RPTOR: variants seen among roughly 807,000 people sequenced by gnomAD.
The protein encoded by RPTOR is regulatory-associated protein of mTOR.
A neutral mutation model predicts 169.9 loss-of-function variants in RPTOR; 21 were observed. The ratio of observed to expected loss-of-function variants is 0.12; its 90% CI spans 0.09 to 0.18. The LOEUF is 0.18. Ranked by LOEUF, RPTOR falls within the 10% of genes least tolerant of loss-of-function variation. RPTOR has a pLI of 1.00. For missense variants in RPTOR, 1,133 were observed against 1,855.9 expected (o/e 0.61, Z 7.16); for synonymous variants, 732 against 753.2 (o/e 0.97, Z 0.46).
chr17:80,678,505 G>A (rs1016098806), intron 3 of RPTOR, among the ~76,000 whole-genome samples: 6 of 152,224 alleles, frequency 3.9e-5, no homozygotes, highest in Non-Finnish European at 8.8e-5. Context: ...CTATTGTTAT[G>A]TAAGACCTAA....
At chr17:80,682,976 T>G (rs1447092901) in intron 3 of RPTOR, among the ~76,000 whole-genome samples, 1 of 152,142 alleles carries the variant, frequency 6.6e-6, no homozygotes, top group Non-Finnish European at 1.5e-5. Flanking sequence ...AATTTATTTA[T>G]TTTTTGTAGA....
Position 80,746,444 on chromosome 17 carries a change from T to A in RPTOR, c.655-7566T>A, listed in dbSNP as rs2066576283. Reference sequence around the variant, plus strand: ...AACTGCGCGTGCACTGACTCCACATTACCCACACGTGGGAACAATGCAGCA... The same window carrying A: ...AACTGCGCGTGCACTGACTCCACATAACCCACACGTGGGAACAATGCAGCA... On this transcript the variant is annotated intron_variant, in intron 5 of 33. Coordinates refer to ENST00000306801, the MANE Select transcript of RPTOR (RefSeq NM_020761.3). This position sits in a 1 kb window ranked among gnomAD's most constrained non-coding sequence, Gnocchi z 4.5. Among the ~76,000 whole-genome samples, 1 of 152,220 alleles carries A rather than the reference T, an allele frequency of 6.6e-6. No individual in the cohort carries two copies. Among genetic ancestry groups the A allele is most frequent in the African/African-American group, 2.4e-5 (1 of 41,460 alleles).
rs1230906084 is a variant in RPTOR, at chr17:80,896,390, GACACCCCACGGCCGCAGCA to G, written c.2401+2535_2401+2553del. Among the ~76,000 whole-genome samples, 131 of 28,086 alleles carry G rather than the reference GACACCCCACGGCCGCAGCA, an allele frequency of 4.7e-3. 1 individual carries two copies. The highest frequency in any genetic ancestry group is 9.3e-3 in the African/African-American group (128 of 13,774). The allele number at this position is 28,086 out of a possible 152,430, so 18.4% of individuals were successfully genotyped here. A position where few individuals can be genotyped will look rare whatever the true frequency, so the allele number is the denominator to read the frequency against. ...CCCCGACACCCCACGCGGCCTCGCTGACACCCCACGGCCGCAGCAACACCCCACACGGCCTCGCCAACAC... is the reference window on the plus strand; with the variant it reads ...CCCCGACACCCCACGCGGCCTCGCTGACACCCCACACGGCCTCGCCAACAC... On this transcript the variant is annotated intron_variant, in intron 20 of 33. Transcript: ENST00000306801.
chr17:80,922,681 C>G (rs762892387), intron 21 of RPTOR, 43 bp from the exon 22 acceptor site: 1 of 1,478,076 alleles, frequency 6.8e-7, no homozygotes, highest in East Asian at 2.5e-5. Context: ...CTCCGCGGAG[C>G]ACGTCCCGTC....
In RPTOR at chr17:80,737,129, C is replaced by A. The variant is rs539603254; in HGVS notation, c.654+6423C>A. Among the ~76,000 whole-genome samples the A allele has an allele frequency of 2.6e-3, 392 of 151,990 alleles. 2 individuals are homozygous for A. Among genetic ancestry groups the A allele is most frequent in the African/African-American group, 8.0e-3 (331 of 41,500 alleles). On this transcript the variant is annotated intron_variant, in intron 5 of 33. Transcript: ENST00000306801. ...TGTTTCCTCCAGCATAATTTTTTTTCCTTTGGTTAATTTAGATTATTCTCT... is the reference window on the plus strand; with the variant it reads ...TGTTTCCTCCAGCATAATTTTTTTTACTTTGGTTAATTTAGATTATTCTCT...
rs1410020119 is a variant in RPTOR at position 80,746,238 on chromosome 17, C to A, written c.655-7772C>A. 1.4e-5 allele frequency among the ~76,000 whole-genome samples: 2 copies of A among 141,616 alleles called. No individual in the cohort carries two copies. Among genetic ancestry groups the A allele is most frequent in the African/African-American group, 5.0e-5 (2 of 40,044 alleles). The allele number at this position is 141,616 out of a possible 152,430, so 92.9% of individuals were successfully genotyped here. On this transcript the variant is annotated intron_variant, in intron 5 of 33. Coordinates refer to ENST00000306801, the MANE Select transcript of RPTOR (RefSeq NM_020761.3). The surrounding 1 kb of genome is among the most constrained non-coding windows in gnomAD (Gnocchi z 4.5). ...GGTGCTTTCTGCGGGTGATCCCCAC[C>A]GCCCCCACAGCGGTGCTTTCTGCGG...
Position 80,875,820 on chromosome 17 carries a change from G to A in RPTOR, c.1510-4595G>A, listed in dbSNP as rs1248267214. 1.0e-4 allele frequency among the ~76,000 whole-genome samples: 14 copies of A among 140,080 alleles called. No individual in the cohort carries two copies. The South Asian group carries it at 2.5e-3, about 25-fold the overall frequency. 91.9% of individuals were successfully genotyped at this position (140,080 alleles called of 152,430 possible). On this transcript the variant is annotated intron_variant, in intron 13 of 33. Coordinates refer to ENST00000306801, the MANE Select transcript of RPTOR (RefSeq NM_020761.3). Reference sequence around the variant, plus strand: ...GTGTCGCCTGCCGGGTCTTCCCACCGAGCCCGTGCCGCCCAGGATGTGTGT... The same window carrying A: ...GTGTCGCCTGCCGGGTCTTCCCACCAAGCCCGTGCCGCCCAGGATGTGTGT...
intron 3 of RPTOR, among the ~76,000 whole-genome samples, chr17:80,693,883 G>T (rs1203442839): frequency 1.3e-5 from 2 of 152,234 alleles, no homozygotes; most frequent in Non-Finnish European, 2.9e-5. Flanking sequence ...AGAGGCTGGG[G>T]AATGTCTGGA....
At chr17:80,641,690 AC>A (rs1201352630) in intron 2 of RPTOR, among the ~76,000 whole-genome samples, 1 of 152,188 alleles carries the variant, frequency 6.6e-6, no homozygotes, top group Non-Finnish European at 1.5e-5. Context: ...GAACATACAC[AC>A]TTTATTTTAA....
chr17:80,733,412 G>A (rs1049411702), intron 5 of RPTOR, among the ~76,000 whole-genome samples: 5 of 152,140 alleles, frequency 3.3e-5, no homozygotes, highest in African/African-American at 7.2e-5. Flanking sequence ...AAATAATACA[G>A]AAGGTTTATG....
rs901847232 is a variant in RPTOR at position 80,845,648 on chromosome 17, T to C, written c.1213-825T>C. 1.4e-4 allele frequency among the ~76,000 whole-genome samples: 22 copies of C among 152,142 alleles called. No homozygotes were observed. Among genetic ancestry groups the C allele is most frequent in the African/African-American group, 4.8e-4 (20 of 41,496 alleles). ...ACCCTCCGTGCCCCCAGCTGGGTCT[T>C]TCTCACCAGCGTCCTGTCCCCATTA... On this transcript the variant is annotated intron_variant, in intron 10 of 33. Transcript: ENST00000306801. The surrounding 1 kb of genome is among the most constrained non-coding windows in gnomAD (Gnocchi z 5.4).
At chr17:80,588,133 T>C (rs2065077073) in intron 1 of RPTOR, among the ~76,000 whole-genome samples, 1 of 152,050 alleles carries the variant, frequency 6.6e-6, no homozygotes. Context: ...TAGTATTCCA[T>C]GGTGCATGTA....
Position 80,845,638 on chromosome 17 carries a change from A to T in RPTOR, c.1213-835A>T, listed in dbSNP as rs1332650727. Reference sequence around the variant, plus strand: ...GCCTTTCCCCACCCTCCGTGCCCCCAGCTGGGTCTTTCTCACCAGCGTCCT... The same window carrying T: ...GCCTTTCCCCACCCTCCGTGCCCCCTGCTGGGTCTTTCTCACCAGCGTCCT... On this transcript the variant is annotated intron_variant, in intron 10 of 33. Coordinates refer to ENST00000306801, the MANE Select transcript of RPTOR (RefSeq NM_020761.3). The surrounding 1 kb of genome is among the most constrained non-coding windows in gnomAD (Gnocchi z 5.4). Among the ~76,000 whole-genome samples, 1 of 146,436 alleles carries T rather than the reference A, an allele frequency of 6.8e-6. No individual in the cohort carries two copies.
chr17:80,805,134 C>A (rs2067205642), intron 7 of RPTOR: 1 of 144,622 alleles, frequency 6.9e-6, no homozygotes, highest in Non-Finnish European at 1.5e-5. Flanking sequence ...TCTGGGATTT[C>A]AGCATCTTTT....
chr17:80,771,164 TCC>T (rs1384371854), intron 6 of RPTOR, among the ~76,000 whole-genome samples: 3 of 152,112 alleles, frequency 2.0e-5, no homozygotes, highest in Non-Finnish European at 2.9e-5. Context: ...TCTCTGAAGC[TCC>T]CACTCTCTGG....
At chr17:80,958,199 C>CT (rs1474307779) in intron 29 of RPTOR, among the ~76,000 whole-genome samples, 1 of 36,116 alleles carries the variant, frequency 2.8e-5, no homozygotes, top group Admixed American at 2.6e-4. Context: ...CCCACCTCAC[C>CT]CCCCCCCCCC....
chr17:80,769,978 G>A (rs2066826139), intron 6 of RPTOR, among the ~76,000 whole-genome samples: 1 of 152,216 alleles, frequency 6.6e-6, no homozygotes, highest in Non-Finnish European at 1.5e-5. Context: ...CCTTGTCTCA[G>A]CCCACTAGTG....
intron 3 of RPTOR, among the ~76,000 whole-genome samples, chr17:80,691,613 A>G (rs1283572269): frequency 6.6e-6 from 1 of 152,060 alleles, no homozygotes; most frequent in African/African-American, 2.4e-5. Flanking sequence ...CGCGGTCCTC[A>G]ATTGCTTCAT....
chr17:80,853,805 C>T (rs1027961207), intron 11 of RPTOR, among the ~76,000 whole-genome samples: 2 of 152,086 alleles, frequency 1.3e-5, no homozygotes, highest in African/African-American at 2.4e-5. Flanking sequence ...AGTGAAACCC[C>T]GTCTCTACTA....
Sources: gnomAD v4.1 joint callset for allele counts (sites outside exome capture counted in the v4.1 genomes callset) on GRCh38, gnomAD v4.1.1 for gene constraint, Gnocchi (gnomAD v3.1) non-coding constraint, MANE v1.5 for transcripts, NCBI Gene and HGNC (gene_info 2026-07-23, HGNC 2026-07-21) for gene names.